Variants in NRG1 observed in about 807,000 individuals in gnomAD.
NRG1 encodes neuregulin 1.
In NRG1, 18 loss-of-function variants were observed where a neutral mutation model predicts 63.8. The ratio of observed to expected loss-of-function variants is 0.28; its 90% CI spans 0.19 to 0.42. The LOEUF (loss-of-function observed/expected upper bound fraction) is 0.42, where lower values mean the gene tolerates loss of function less well. Ranked by LOEUF, NRG1 falls within the 10% of genes least tolerant of loss-of-function variation. The probability of loss-of-function intolerance (pLI) is 1.00; values close to 1 mark genes in which losing one functional copy is unlikely to be tolerated. For synonymous variants in NRG1, 302 were observed against 301.3 expected, an observed-to-expected ratio of 1.00 and a Z score of -0.02; for missense variants, 762 against 814.7, an observed-to-expected ratio of 0.94 and a Z score of 0.79.
intron 1 of NRG1, among the ~76,000 whole-genome samples, chr8:31,771,460 T>C (rs1022959905): frequency 6.6e-6 from 1 of 152,194 alleles, no homozygotes; most frequent in African/African-American, 2.4e-5. Flanking sequence ...AATATATGAA[T>C]CTGAAAGTGT....
At chr8:31,706,620 T>C (rs1811175847) in intron 1 of NRG1, among the ~76,000 whole-genome samples, 1 of 152,232 alleles carries the variant, frequency 6.6e-6, no homozygotes, top group Non-Finnish European at 1.5e-5. Context: ...CATTGTCAAA[T>C]TGCCCTTGTA....
Position 31,780,037 on chromosome 8 carries a change from C to T in NRG1, c.37+140606C>T, listed in dbSNP as rs550323648. On this transcript the variant is annotated intron_variant, in intron 1 of 10. Coordinates refer to the NRG1 transcript ENST00000519301. Reference sequence around the variant, plus strand: ...CAGACACCTGAGGCTCTCTGATACCCGCAGGTCATTGCTATGTCCTAGGAA... The same window carrying T: ...CAGACACCTGAGGCTCTCTGATACCTGCAGGTCATTGCTATGTCCTAGGAA... Among the ~76,000 whole-genome samples the T allele has an allele frequency of 1.8e-3, 274 of 152,218 alleles. 2 individuals carry two copies. Among genetic ancestry groups the T allele is most frequent in the Non-Finnish European group, 1.8e-3 (121 of 68,018 alleles).
intron 1 of NRG1, among the ~76,000 whole-genome samples, chr8:32,082,557 T>A (rs907457173): frequency 1.3e-5 from 2 of 152,170 alleles, no homozygotes; most frequent in African/African-American, 4.8e-5. Flanking sequence ...GCACTACCCT[T>A]GAGCATGCCT....
chr8:32,772,918 A>C (rs1032940662), downstream of NRG1, among the ~76,000 whole-genome samples: 1 of 152,082 alleles, frequency 6.6e-6, no homozygotes, highest in African/African-American at 2.4e-5. Context: ...CTCACTCAAG[A>C]GTCTCCCCCA....
intron 1 of NRG1, among the ~76,000 whole-genome samples, chr8:31,670,647 A>T (rs1010501229): frequency 1.3e-5 from 2 of 151,936 alleles, no homozygotes; most frequent in African/African-American, 2.4e-5. Context: ...TCATATGAAT[A>T]TCAAGATTGG....
At chr8:31,961,634 A>G (rs1436785048) in intron 1 of NRG1, among the ~76,000 whole-genome samples, 1 of 152,182 alleles carries the variant, frequency 6.6e-6, no homozygotes, top group Admixed American at 6.5e-5. Flanking sequence ...TGCTAGGCTT[A>G]ATAAAAGGGT....
chr8:32,578,957 CTTAAATTTTTAGGTTTA>C (rs1019610397), intron 1 of NRG1, among the ~76,000 whole-genome samples: 4 of 152,126 alleles, frequency 2.6e-5, no homozygotes, highest in Non-Finnish European at 2.9e-5. Flanking sequence ...GAGGGTTTTG[CTTAAATTTTTAGGTTTA>C]TTAAATTTTT....
At chr8:32,107,167 C>T (rs1029228768) in intron 1 of NRG1, among the ~76,000 whole-genome samples, 13 of 151,692 alleles carry the variant, frequency 8.6e-5, no homozygotes, top group Non-Finnish European at 2.9e-5. Context: ...ACCCAGGAGG[C>T]GGAGGTCGCA....
At chr8:32,550,995 A>G (rs934213656) in intron 1 of NRG1, among the ~76,000 whole-genome samples, 4 of 152,228 alleles carry the variant, frequency 2.6e-5, no homozygotes, top group Non-Finnish European at 5.9e-5. Context: ...TATTTGATTC[A>G]GAAAGAATGG....
rs183593638 is a variant in NRG1, at chr8:32,159,360, C to A, written c.38-436468C>A. On this transcript the variant is annotated intron_variant, in intron 1 of 10. Coordinates refer to the NRG1 transcript ENST00000519301. ...CCATCCTGGCTAACAAGGTGAAACC[C>A]CGTCTCTACTAAAAATACAAAAAAT... Among the ~76,000 whole-genome samples, 1,097 of 150,272 alleles carry A rather than the reference C, an allele frequency of 7.3e-3. 56 individuals carry two copies. The highest frequency in any genetic ancestry group is 0.065 in the Admixed American group (985 of 15,124).
At chr8:32,367,109 G>T (rs1808165623) in intron 1 of NRG1, among the ~76,000 whole-genome samples, 1 of 152,072 alleles carries the variant, frequency 6.6e-6, no homozygotes, top group Non-Finnish European at 1.5e-5. Flanking sequence ...GGGAGTACAG[G>T]TATCATTTTG....
chr8:31,970,755 C>A (rs1357779647), intron 1 of NRG1, among the ~76,000 whole-genome samples: 2 of 151,950 alleles, frequency 1.3e-5, no homozygotes, highest in African/African-American at 2.4e-5. Flanking sequence ...ATGTCCTTAC[C>A]CTCCATGTAA....
intron 1 of NRG1, among the ~76,000 whole-genome samples, chr8:32,135,155 A>AG (rs1835344120): frequency 6.6e-6 from 1 of 152,156 alleles, no homozygotes; most frequent in South Asian, 2.1e-4. Flanking sequence ...GTATAAGATG[A>AG]GGGTGAAGAG....
chr8:31,946,610 C>T (rs559488178), intron 1 of NRG1, among the ~76,000 whole-genome samples: 2 of 41,622 alleles, frequency 4.8e-5, no homozygotes, highest in Admixed American at 5.1e-4. Context: ...TGATGTATAT[C>T]ACTCTTTATG....
chr8:31,857,570 C>T (rs928938042), intron 1 of NRG1, among the ~76,000 whole-genome samples: 4 of 152,224 alleles, frequency 2.6e-5, no homozygotes, highest in Non-Finnish European at 4.4e-5. Context: ...AATCACCCGT[C>T]TTCTGCGTCG....
At chr8:31,761,191 C>G (rs1817512632) in intron 1 of NRG1, among the ~76,000 whole-genome samples, 1 of 152,094 alleles carries the variant, frequency 6.6e-6, no homozygotes, top group Non-Finnish European at 1.5e-5. Context: ...TCTCAGTAAA[C>G]TATCCCAAGG....
chr8:32,495,263 T>A (rs935338681), intron 1 of NRG1, among the ~76,000 whole-genome samples: 3 of 152,136 alleles, frequency 2.0e-5, no homozygotes, highest in African/African-American at 7.2e-5. Context: ...GTTCTTGTGA[T>A]AGTCAATAAG....
At chr8:32,511,826 G>T (rs1829254785) in intron 1 of NRG1, among the ~76,000 whole-genome samples, 1 of 152,186 alleles carries the variant, frequency 6.6e-6, no homozygotes. Flanking sequence ...AGTTACATGA[G>T]GTTAGGAGCA....
At chr8:31,725,621 T>G (rs1813355347) in intron 1 of NRG1, among the ~76,000 whole-genome samples, 1 of 152,144 alleles carries the variant, frequency 6.6e-6, no homozygotes, top group African/African-American at 2.4e-5. Flanking sequence ...AGAGCCAATC[T>G]CTTTATAATA....
Sources: allele counts gnomAD v4.1 joint callset (sites outside exome capture counted in the v4.1 genomes callset), GRCh38; gene constraint gnomAD v4.1.1; transcripts MANE v1.5; gene names NCBI Gene and HGNC (gene_info 2026-07-23, HGNC 2026-07-21).